The following L3MBTL4 variants were observed in gnomAD, a reference collection of about 807,000 sequenced individuals.
L3MBTL4 encodes the protein L3MBTL histone methyl-lysine binding protein 4.
L3MBTL4 carries 70 observed loss-of-function variants against 84.5 expected under a neutral mutation model. The observed-to-expected ratio is 0.83, with a 90% CI of 0.68 to 1.01. L3MBTL4 has a LOEUF of 1.01. L3MBTL4 is among the 50% of genes least tolerant of loss of function. L3MBTL4 has a pLI of 0.00. For synonymous variants in L3MBTL4, 274 were observed against 259.8 expected, an observed-to-expected ratio of 1.05 and a Z score of -0.52; for missense variants, 715 against 754.8, an observed-to-expected ratio of 0.95 and a Z score of 0.62.
chr18:6,010,437 A>T (rs193240023), intron 16 of L3MBTL4, among the ~76,000 whole-genome samples: 4 of 152,142 alleles, frequency 2.6e-5, no homozygotes, highest in East Asian at 3.9e-4. Flanking sequence ...TCAACTTATT[A>T]AAAAAAATGA....
chr18:6,183,017 C>T (rs2044549952), intron 12 of L3MBTL4, among the ~76,000 whole-genome samples: 3 of 152,272 alleles, frequency 2.0e-5, no homozygotes, highest in South Asian at 2.1e-4. Context: ...AATATATCTA[C>T]ATAAGTTTCC....
chr18:6,090,957 T>C (rs2058435009), intron 15 of L3MBTL4, among the ~76,000 whole-genome samples: 1 of 152,160 alleles, frequency 6.6e-6, no homozygotes, highest in Non-Finnish European at 1.5e-5. Context: ...GTGGAAATTA[T>C]AGCTCTGATT....
intron 1 of L3MBTL4, among the ~76,000 whole-genome samples, chr18:6,368,929 C>T (rs2054043506): frequency 1.3e-5 from 2 of 151,906 alleles, no homozygotes; most frequent in African/African-American, 4.8e-5. Context: ...GTAGTCCCAG[C>T]TACTCAGGAA....
intron 16 of L3MBTL4, among the ~76,000 whole-genome samples, chr18:5,994,931 G>C (rs2053881280): frequency 6.6e-6 from 1 of 152,162 alleles, no homozygotes; most frequent in Non-Finnish European, 1.5e-5. Flanking sequence ...CAATTATTCA[G>C]GGTGTTTTAT....
At position 6,109,638 on chromosome 18, in the gene L3MBTL4, C is replaced by T. The variant is rs553695244; in HGVS notation, c.1200-16110G>A. 2.0e-5 allele frequency among the ~76,000 whole-genome samples: 3 copies of T among 152,216 alleles called. No individual in the cohort carries two copies. The East Asian group carries it at 5.8e-4, about 30-fold the overall frequency. ...TGGAGCCCCTGGCTAAACAAATGCC[C>T]ACGTGCAAACCTACACAAAACCAGC... On this transcript the variant is annotated intron_variant, in intron 14 of 18. Transcript: ENST00000317931.
chr18:6,282,797 C>T (rs1213394306), intron 4 of L3MBTL4, among the ~76,000 whole-genome samples: 3 of 152,066 alleles, frequency 2.0e-5, no homozygotes, highest in East Asian at 1.9e-4. Flanking sequence ...AGATCAACTG[C>T]GAAGTCCAAG....
intron 4 of L3MBTL4, among the ~76,000 whole-genome samples, chr18:6,267,442 G>A (rs545298481): frequency 6.6e-6 from 1 of 152,304 alleles, no homozygotes; most frequent in African/African-American, 2.4e-5. Flanking sequence ...GCCACGAGAT[G>A]TTTTATTTTG....
chr18:6,409,550 G>A (rs1430633987), intron 1 of L3MBTL4, among the ~76,000 whole-genome samples: 1 of 152,138 alleles, frequency 6.6e-6, no homozygotes, highest in African/African-American at 2.4e-5. Context: ...CTACCACAGA[G>A]GCTCTTGATG....
chr18:6,241,028 T>C (rs2047428963), intron 8 of L3MBTL4, among the ~76,000 whole-genome samples: 1 of 152,202 alleles, frequency 6.6e-6, no homozygotes, highest in African/African-American at 2.4e-5. Context: ...TATCTGCTGG[T>C]TTCAAAACAC....
intron 1 of L3MBTL4, among the ~76,000 whole-genome samples, chr18:6,413,512 G>A (rs9303984): frequency 0.51 from 77,911 of 151,992 alleles, 20,558 homozygotes; most frequent in East Asian, 0.72. Flanking sequence ...ATTACCAAGG[G>A]CCAAAAACAA....
At chr18:6,245,740 C>T (rs1029344782) in intron 5 of L3MBTL4, among the ~76,000 whole-genome samples, 4 of 151,966 alleles carry the variant, frequency 2.6e-5, no homozygotes, top group African/African-American at 4.8e-5. Flanking sequence ...CAAGTGTGCA[C>T]CACTACGGCC....
At chr18:6,156,117 A>G (rs1351072560) in intron 13 of L3MBTL4, among the ~76,000 whole-genome samples, 1 of 152,160 alleles carries the variant, frequency 6.6e-6, no homozygotes, top group African/African-American at 2.4e-5. Context: ...ATAAATAAGA[A>G]AAAGCATCTT....
intron 3 of L3MBTL4, among the ~76,000 whole-genome samples, chr18:6,309,377 T>C (rs894417766): frequency 2.0e-5 from 3 of 152,248 alleles, no homozygotes; most frequent in Admixed American, 2.0e-4. Context: ...TGTGCATCTT[T>C]TCAATTATGT....
chr18:6,197,168 A>G (rs1028862108), intron 12 of L3MBTL4, among the ~76,000 whole-genome samples: 1 of 152,178 alleles, frequency 6.6e-6, no homozygotes, highest in Non-Finnish European at 1.5e-5. Context: ...TTACATAAGT[A>G]AACGTGTGCC....
At chr18:6,388,211 G>T (rs1219147416) in intron 1 of L3MBTL4, among the ~76,000 whole-genome samples, 1 of 152,094 alleles carries the variant, frequency 6.6e-6, no homozygotes, top group African/African-American at 2.4e-5. Context: ...CCACTCCTGG[G>T]AATCTATGCC....
intron 3 of L3MBTL4, among the ~76,000 whole-genome samples, chr18:6,310,749 G>T (rs897902102): frequency 6.6e-6 from 1 of 152,162 alleles, no homozygotes; most frequent in Non-Finnish European, 1.5e-5. Context: ...TAAATTTGCA[G>T]GAATACATAA....
intron 14 of L3MBTL4, among the ~76,000 whole-genome samples, chr18:6,100,973 A>C (rs1347036043): frequency 6.6e-6 from 1 of 151,984 alleles, no homozygotes; most frequent in Non-Finnish European, 1.5e-5. Flanking sequence ...CCCATTTCCC[A>C]CTCAGCCTTT....
At chr18:6,272,241 A>C (rs2048905713) in intron 4 of L3MBTL4, among the ~76,000 whole-genome samples, 1 of 152,174 alleles carries the variant, frequency 6.6e-6, no homozygotes, top group African/African-American at 2.4e-5. Flanking sequence ...TGAGATAAAA[A>C]GGCGGGTGGT....
At chr18:5,982,572 C>A (rs916523315) in intron 16 of L3MBTL4, among the ~76,000 whole-genome samples, 1 of 152,178 alleles carries the variant, frequency 6.6e-6, no homozygotes, top group African/African-American at 2.4e-5. Flanking sequence ...TCCCAGAGGT[C>A]ATGGAAAATG....
Sources: gnomAD v4.1 joint callset for allele counts (sites outside exome capture counted in the v4.1 genomes callset) on GRCh38, gnomAD v4.1.1 for gene constraint, MANE v1.5 for transcripts, NCBI Gene and HGNC (gene_info 2026-07-23, HGNC 2026-07-21) for gene names.